The following C1QTNF3 variants were observed in gnomAD, a reference collection of about 807,000 sequenced individuals.
C1QTNF3 encodes the protein C1q and TNF related 3.
C1QTNF3 carries 26 observed loss-of-function variants against 32.6 expected under a neutral mutation model. That is an observed-to-expected ratio of 0.80 (90% CI 0.58 to 1.11). The LOEUF (loss-of-function observed/expected upper bound fraction) is 1.11. Ranked by LOEUF, C1QTNF3 falls within the 50% of genes least tolerant of loss-of-function variation. The probability of loss-of-function intolerance (pLI) is 0.00; values close to 1 mark genes in which losing one functional copy is unlikely to be tolerated. For missense variants in C1QTNF3, 362 were observed against 398.2 expected, an observed-to-expected ratio of 0.91 and a Z score of 0.77; for synonymous variants, 155 against 146.0, an observed-to-expected ratio of 1.06 and a Z score of -0.44.
chr5:34,181,390 T>C, the C1QTNF3 span, among the ~76,000 whole-genome samples: 1 of 152,312 alleles, frequency 6.6e-6, no homozygotes, highest in East Asian at 1.9e-4. Flanking sequence ...TGGAAGCCTG[T>C]ACGATTCACA....
At chr5:34,155,724 GT>G in the C1QTNF3 span, among the ~76,000 whole-genome samples, 1 of 152,020 alleles carries the variant, frequency 6.6e-6, no homozygotes, top group African/African-American at 2.4e-5. Flanking sequence ...GAAGTGGTAG[GT>G]TTTCATTTAA....
chr5:34,037,660 G>A (rs559436578), intron 1 of C1QTNF3, among the ~76,000 whole-genome samples: 1 of 152,268 alleles, frequency 6.6e-6, no homozygotes, highest in African/African-American at 2.4e-5. Context: ...CAGTCTACCA[G>A]GCTCAAACCT....
chr5:34,154,737 A>AAGAG, the C1QTNF3 span, among the ~76,000 whole-genome samples: 117 of 152,098 alleles, frequency 7.7e-4, 1 homozygote, highest in African/African-American at 2.7e-3. Context: ...GGACATGATA[A>AAGAG]AGAGAGAGAG....
the C1QTNF3 span, among the ~76,000 whole-genome samples, chr5:34,232,988 T>A: frequency 6.9e-6 from 1 of 145,442 alleles, no homozygotes; most frequent in Admixed American, 7.1e-5. Context: ...GTACTTACTG[T>A]AACTACAGTG....
the C1QTNF3 span, among the ~76,000 whole-genome samples, chr5:34,119,474 C>T: frequency 6.6e-6 from 1 of 152,140 alleles, no homozygotes; most frequent in Non-Finnish European, 1.5e-5. Flanking sequence ...GGGAATCTCC[C>T]TTTTATAAAC....
At chr5:34,132,343 C>T in the C1QTNF3 span, among the ~76,000 whole-genome samples, 2 of 151,446 alleles carry the variant, frequency 1.3e-5, no homozygotes, top group Non-Finnish European at 2.9e-5. Flanking sequence ...TGAGATTGTG[C>T]CACTGCACTC....
At chr5:34,072,751 G>A in the C1QTNF3 span, among the ~76,000 whole-genome samples, 12 of 152,096 alleles carry the variant, frequency 7.9e-5, no homozygotes, top group Non-Finnish European at 1.5e-4. Flanking sequence ...CTGTGCATGT[G>A]GAGTCGAAAA....
the C1QTNF3 span, among the ~76,000 whole-genome samples, chr5:34,128,967 T>C: frequency 6.6e-6 from 1 of 152,176 alleles, no homozygotes; most frequent in Non-Finnish European, 1.5e-5. Flanking sequence ...TTTGGCTCTG[T>C]GTCCCTGCCC....
chr5:34,210,173 T>C, the C1QTNF3 span, among the ~76,000 whole-genome samples: 1 of 152,028 alleles, frequency 6.6e-6, no homozygotes, highest in African/African-American at 2.4e-5. Flanking sequence ...AGGTTTTCAG[T>C]TTCTGATGTT....
the C1QTNF3 span, among the ~76,000 whole-genome samples, chr5:34,137,395 T>C: frequency 3.9e-5 from 6 of 152,192 alleles, no homozygotes; most frequent in East Asian, 1.9e-4. Flanking sequence ...AATTCAAGGA[T>C]TGTTACCACT....
At chr5:34,089,294 T>C in the C1QTNF3 span, among the ~76,000 whole-genome samples, 545 of 152,268 alleles carry the variant, frequency 3.6e-3, 6 homozygotes, top group African/African-American at 0.013. Context: ...AGGACCTTGT[T>C]ATGATCAAAA....
chr5:34,223,369 A>G, the C1QTNF3 span, among the ~76,000 whole-genome samples: 1 of 149,306 alleles, frequency 6.7e-6, no homozygotes, highest in African/African-American at 2.5e-5. Context: ...TTATGGCTGC[A>G]TAGTATTCCA....
Position 34,020,318 on chromosome 5 carries a change from GAATT to G in C1QTNF3, c.*261_*264del. ...AATATTTCCAACCTGCGTCAGAGGAGAATTATCTTTTAGGTGCCAAGGAAAGAGT... is the reference window on the plus strand; with the variant it reads ...AATATTTCCAACCTGCGTCAGAGGAGATCTTTTAGGTGCCAAGGAAAGAGT... On this transcript the variant is annotated 3_prime_UTR_variant, in exon 6 of 6. Transcript: ENST00000382065. 3 of 348,544 alleles carry G rather than the reference GAATT, an allele frequency of 8.6e-6. No individual in the cohort carries two copies. In the Admixed American group the frequency reaches 1.3e-4, roughly 15 times the overall value. The allele number at this position is 348,544 out of a possible 1,614,324, so 21.6% of individuals were successfully genotyped here.
the C1QTNF3 span, among the ~76,000 whole-genome samples, chr5:34,134,360 G>A: frequency 2.6e-5 from 4 of 151,850 alleles, no homozygotes; most frequent in Non-Finnish European, 5.9e-5. Context: ...TCTTTTCAAG[G>A]CTGCTTCACA....
At chr5:34,117,428 T>C in the C1QTNF3 span, among the ~76,000 whole-genome samples, 1 of 152,138 alleles carries the variant, frequency 6.6e-6, no homozygotes, top group African/African-American at 2.4e-5. Flanking sequence ...TCATACATAG[T>C]GGGCCCATAG....
chr5:34,241,947 G>C, the C1QTNF3 span, among the ~76,000 whole-genome samples: 1 of 86,072 alleles, frequency 1.2e-5, no homozygotes. Context: ...GAGGAAGGGA[G>C]GGAGGGAAGG....
At chr5:34,053,056 C>T in the C1QTNF3 span, among the ~76,000 whole-genome samples, 1 of 152,024 alleles carries the variant, frequency 6.6e-6, no homozygotes, top group Non-Finnish European at 1.5e-5. Context: ...AAAAATAAGG[C>T]CAGATTTCTA....
At chr5:34,224,401 A>G in the C1QTNF3 span, among the ~76,000 whole-genome samples, 3 of 152,206 alleles carry the variant, frequency 2.0e-5, no homozygotes, top group African/African-American at 7.2e-5. Flanking sequence ...ACTTCAAACT[A>G]TACTACAAGG....
chr5:34,052,226 T>C, the C1QTNF3 span, among the ~76,000 whole-genome samples: 308 of 152,356 alleles, frequency 2.0e-3, 1 homozygote, highest in African/African-American at 7.1e-3. Context: ...AGATAGTCTA[T>C]GGACTGTCCC....
Sources: allele counts gnomAD v4.1 joint callset (sites outside exome capture counted in the v4.1 genomes callset), GRCh38; gene constraint gnomAD v4.1.1; transcripts MANE v1.5; gene names NCBI Gene and HGNC (gene_info 2026-07-23, HGNC 2026-07-21).